Variants in SGCD observed in about 807,000 individuals in gnomAD.
The protein encoded by SGCD is delta-sarcoglycan.
Under a neutral mutation model 36.6 loss-of-function variants are expected in SGCD, and 18 were observed. The ratio of observed to expected loss-of-function variants is 0.49; its 90% CI spans 0.34 to 0.73. SGCD has a LOEUF of 0.73. Ranked by LOEUF, SGCD falls within the 30% of genes least tolerant of loss-of-function variation. SGCD has a pLI of 0.01. For missense variants in SGCD, 387 were observed against 346.7 expected (o/e 1.12, Z -0.92); for synonymous variants, 133 against 130.6 (o/e 1.02, Z -0.12).
chr5:155,896,129 C>T (rs1756247644), intron 1 of SGCD, among the ~76,000 whole-genome samples: 1 of 151,946 alleles, frequency 6.6e-6, no homozygotes. Context: ...AACAGAGAGC[C>T]CTTTATTATA....
intron 3 of SGCD, among the ~76,000 whole-genome samples, chr5:156,429,732 G>A (rs946176143): frequency 6.6e-6 from 1 of 152,040 alleles, no homozygotes; most frequent in Admixed American, 6.5e-5. Context: ...AATTCTCTCA[G>A]CATTTGTTTG....
At chr5:156,151,438 T>C (rs1762832812) in intron 3 of SGCD, among the ~76,000 whole-genome samples, 1 of 151,754 alleles carries the variant, frequency 6.6e-6, no homozygotes, top group African/African-American at 2.4e-5. Context: ...TTCCTTATTT[T>C]CTTTAGAAAT....
At chr5:156,620,032 CAA>C (rs756001259) in intron 6 of SGCD, among the ~76,000 whole-genome samples, 12 of 152,132 alleles carry the variant, frequency 7.9e-5, no homozygotes, top group Non-Finnish European at 1.5e-4. Flanking sequence ...AAGCAAAATT[CAA>C]AGTTTCTCCC....
At chr5:155,816,462 C>T in the SGCD span, among the ~76,000 whole-genome samples, 1 of 152,158 alleles carries the variant, frequency 6.6e-6, no homozygotes, top group Non-Finnish European at 1.5e-5. Flanking sequence ...GATCTTCATC[C>T]TTGTTGACTT....
At chr5:156,507,315 C>G (rs1365011937) in intron 3 of SGCD, among the ~76,000 whole-genome samples, 2 of 152,136 alleles carry the variant, frequency 1.3e-5, no homozygotes, top group African/African-American at 4.8e-5. Flanking sequence ...TCAGCCACTG[C>G]TGACTTTGAA....
rs535007986 is a variant in SGCD, at chr5:155,994,177, C to G, written c.-281-123701C>G. On this transcript the variant is annotated intron_variant, in intron 1 of 9. Coordinates refer to the SGCD transcript ENST00000517913. ...ACATCATACACTTTGGTGGAAGACT[C>G]CAGAATCCAAAAGGACTTGACTTTA... Among the ~76,000 whole-genome samples, 29 of 152,234 alleles carry G rather than the reference C, an allele frequency of 1.9e-4. No homozygotes were observed. In the East Asian group the frequency reaches 5.0e-3, roughly 26 times the overall value.
At chr5:155,777,791 T>G in the SGCD span, among the ~76,000 whole-genome samples, 1 of 151,248 alleles carries the variant, frequency 6.6e-6, no homozygotes, top group Non-Finnish European at 1.5e-5. Context: ...TGTTTCTGAG[T>G]TTTTTTTTGT....
At chr5:156,317,258 G>A (rs1767541831) in intron 3 of SGCD, among the ~76,000 whole-genome samples, 2 of 152,078 alleles carry the variant, frequency 1.3e-5, no homozygotes, top group South Asian at 4.1e-4. Context: ...ATGCATGTTA[G>A]GTATGGTTAT....
intron 1 of SGCD, among the ~76,000 whole-genome samples, chr5:155,966,697 G>A (rs1254027690): frequency 1.3e-5 from 2 of 152,022 alleles, no homozygotes; most frequent in Non-Finnish European, 2.9e-5. Flanking sequence ...TGATAATAAT[G>A]GTCTTAAATT....
intron 4 of SGCD, among the ~76,000 whole-genome samples, chr5:156,532,868 T>C (rs1757943630): frequency 6.6e-6 from 1 of 152,088 alleles, no homozygotes; most frequent in Non-Finnish European, 1.5e-5. Context: ...AGTCTGCCTA[T>C]CTTGTTTATT....
intron 1 of SGCD, among the ~76,000 whole-genome samples, chr5:155,876,859 T>A (rs181622638): frequency 3.9e-5 from 6 of 152,274 alleles, no homozygotes; most frequent in Non-Finnish European, 7.4e-5. Flanking sequence ...GAAGATGTAT[T>A]TCTACATGAC....
intron 3 of SGCD, among the ~76,000 whole-genome samples, chr5:156,494,907 A>G (rs985723167): frequency 6.6e-6 from 1 of 152,112 alleles, no homozygotes; most frequent in African/African-American, 2.4e-5. Context: ...GGATTCTTAG[A>G]GACAACTTAT....
chr5:156,058,038 T>C (rs537664860), intron 1 of SGCD, among the ~76,000 whole-genome samples: 11 of 146,330 alleles, frequency 7.5e-5, no homozygotes, highest in African/African-American at 2.5e-4. Flanking sequence ...TTACAATACA[T>C]AATGAAATAA....
chr5:156,378,091 G>A (rs914288638), intron 3 of SGCD, among the ~76,000 whole-genome samples: 2 of 152,256 alleles, frequency 1.3e-5, no homozygotes, highest in African/African-American at 4.8e-5. Context: ...AGAAGGTAGA[G>A]CAACCCAAGC....
rs1249989505 is a variant in SGCD at position 156,607,728 on chromosome 5, T to C, written c.502+12677T>C. ...AATTTTTCCCTCATTTCAGAGCCTG[T>C]TATTGGTCTATTCAGAGATTCAACT... On this transcript the variant is annotated intron_variant, in intron 6 of 8. Transcript: ENST00000337851. 3.3e-5 allele frequency among the ~76,000 whole-genome samples: 5 copies of C among 152,246 alleles called. No individual in the cohort carries two copies. In the East Asian group the frequency reaches 9.7e-4, roughly 29 times the overall value.
At chr5:155,961,800 G>T (rs145292439) in intron 1 of SGCD, among the ~76,000 whole-genome samples, 1 of 151,870 alleles carries the variant, frequency 6.6e-6, no homozygotes, top group Non-Finnish European at 1.5e-5. Context: ...ACAGAGTAAT[G>T]CATATTTTCA....
chr5:156,652,739 T>C (rs961266848), intron 7 of SGCD, among the ~76,000 whole-genome samples: 11 of 152,080 alleles, frequency 7.2e-5, no homozygotes, highest in African/African-American at 2.4e-4. Context: ...ATGGCTCTTA[T>C]ATTTGGGGGG....
intron 1 of SGCD, among the ~76,000 whole-genome samples, chr5:156,029,471 T>C (rs1759295704): frequency 6.6e-6 from 1 of 152,178 alleles, no homozygotes; most frequent in Non-Finnish European, 1.5e-5. Context: ...TTGGAGATAC[T>C]GTAGTAACCA....
At chr5:156,478,030 TCA>T (rs1478932100) in intron 3 of SGCD, among the ~76,000 whole-genome samples, 1 of 151,824 alleles carries the variant, frequency 6.6e-6, no homozygotes, top group East Asian at 1.9e-4. Context: ...GGGAGAACAA[TCA>T]GAGGGGGAGC....
Sources: allele counts gnomAD v4.1 joint callset (sites outside exome capture counted in the v4.1 genomes callset), GRCh38; gene constraint gnomAD v4.1.1; transcripts MANE v1.5; gene names NCBI Gene and HGNC (gene_info 2026-07-23, HGNC 2026-07-21).